The following CDC45 variants were observed in gnomAD, a reference collection of about 807,000 sequenced individuals.
CDC45 encodes the protein cell division control protein 45 homolog.
A neutral mutation model predicts 77.8 loss-of-function variants in CDC45; 54 were observed. The observed-to-expected ratio is 0.69, with a 90% CI of 0.56 to 0.87. CDC45 has a LOEUF of 0.87. CDC45 is among the 40% of genes least tolerant of loss of function. The pLI is 0.00. For synonymous variants in CDC45, 260 were observed against 272.1 expected (o/e 0.96, Z 0.44); for missense variants, 649 against 721.6 (o/e 0.90, Z 1.15).
At chr22:19,493,513 C>G (rs1601941770) in intron 5 of CDC45, among the ~76,000 whole-genome samples, 1 of 151,984 alleles carries the variant, frequency 6.6e-6, no homozygotes, top group African/African-American at 2.4e-5. Context: ...GGCACAATCT[C>G]GGCTCACTGC....
chr22:19,519,328 C>T (rs1262238503), intron 18 of CDC45, among the ~76,000 whole-genome samples: 1 of 152,202 alleles, frequency 6.6e-6, no homozygotes, highest in East Asian at 1.9e-4. Flanking sequence ...GTGTGCTTGG[C>T]TCATGAGAAA....
intron 5 of CDC45, among the ~76,000 whole-genome samples, chr22:19,486,722 G>A (rs1478062567): frequency 2.0e-5 from 3 of 151,994 alleles, no homozygotes; most frequent in Non-Finnish European, 4.4e-5. Flanking sequence ...TCGCTCTGTC[G>A]CCCAGGCTGG....
chr22:19,496,177 G>C (rs977193187), intron 7 of CDC45, 148 bp downstream of exon 7: 5 of 638,988 alleles, frequency 7.8e-6, no homozygotes, highest in Non-Finnish European at 1.4e-5. Flanking sequence ...CCTTGGGCAG[G>C]TGTTGCAAGC....
Position 19,482,680 on chromosome 22 carries a change from T to C in CDC45, c.205-10T>C. Reference sequence around the variant, plus strand: ...ATATAGCTACTTTACAATATCTTCCTTTTTTTCAGTTTCATTATTTTATTC... The same window carrying C: ...ATATAGCTACTTTACAATATCTTCCCTTTTTTCAGTTTCATTATTTTATTC... On this transcript the variant is annotated splice_polypyrimidine_tract_variant and intron_variant, in intron 3 of 18. Transcript: ENST00000263201. 1.9e-6 allele frequency: 3 copies of C among 1,609,644 alleles called. No homozygotes were observed. The highest frequency in any genetic ancestry group is 2.6e-6 in the Non-Finnish European group (3 of 1,176,458).
At chr22:19,518,781 C>A in intron 17 of CDC45, 63 bp from the exon 18 acceptor site, 1 of 1,362,696 alleles carries the variant, frequency 7.3e-7, no homozygotes, top group Non-Finnish European at 1.1e-6. Flanking sequence ...GAGGGGAGTT[C>A]TGTGCCCTGT....
intron 12 of CDC45, among the ~76,000 whole-genome samples, chr22:19,508,084 C>G (rs1393605207): frequency 6.6e-6 from 1 of 152,118 alleles, no homozygotes; most frequent in Non-Finnish European, 1.5e-5. Flanking sequence ...AAGACTTCTT[C>G]AAGCTTGTGA....
At position 19,482,743 on chromosome 22, in the gene CDC45, T is replaced by A; in HGVS notation, c.258T>A (p.Ile86=). The change falls in exon 4 of 19, where the codon ATT becomes ATA. Residue 86 remains isoleucine, a synonymous_variant. Coordinates refer to ENST00000263201, the MANE Select transcript of CDC45 (RefSeq NM_003504.5). ...NCGANVDLLD[I]LQPDEDTIFF... ...GAGCTAATGTAGACCTATTGGATAT[T>A]CTTCAACCTGATGAAGACACTATAT... 1 of 1,612,928 alleles carries A rather than the reference T, an allele frequency of 6.2e-7. No homozygotes were observed. The highest frequency in any genetic ancestry group is 8.5e-7 in the Non-Finnish European group (1 of 1,178,840).
intron 3 of CDC45, among the ~76,000 whole-genome samples, chr22:19,481,543 T>A (rs2089983280): frequency 6.6e-6 from 1 of 151,972 alleles, no homozygotes; most frequent in Non-Finnish European, 1.5e-5. Flanking sequence ...CACACCTGGC[T>A]AATGTTTTTG....
chr22:19,481,757 C>T (rs1374607650), intron 3 of CDC45, among the ~76,000 whole-genome samples: 1 of 151,834 alleles, frequency 6.6e-6, no homozygotes, highest in Non-Finnish European at 1.5e-5. Context: ...CTGCAACCTC[C>T]GCCTTCTGGG....
chr22:19,491,433 A>ATT (rs77377103), intron 5 of CDC45, among the ~76,000 whole-genome samples: 1 of 143,104 alleles, frequency 7.0e-6, no homozygotes, highest in Non-Finnish European at 1.5e-5. Context: ...GAATTTCTTG[A>ATT]TTTTTTTTTT....
At chr22:19,506,653 G>T (rs1003039857) in intron 10 of CDC45, among the ~76,000 whole-genome samples, 1 of 152,046 alleles carries the variant, frequency 6.6e-6, no homozygotes, top group Non-Finnish European at 1.5e-5. Context: ...GGGCTGAGGA[G>T]GTCGGGCGCT....
chr22:19,512,412 CT>C (rs1933567115), intron 13 of CDC45, among the ~76,000 whole-genome samples: 1 of 152,290 alleles, frequency 6.6e-6, no homozygotes. Flanking sequence ...TTCATGGTCT[CT>C]TTTTACCTGC....
At chr22:19,501,958 C>T (rs1211044242) in intron 9 of CDC45, among the ~76,000 whole-genome samples, 5 of 152,138 alleles carry the variant, frequency 3.3e-5, no homozygotes, top group Non-Finnish European at 7.4e-5. Context: ...CTCAAGCAAT[C>T]CTCCCTCCTC....
intron 7 of CDC45, among the ~76,000 whole-genome samples, chr22:19,497,118 A>G (rs1170080143): frequency 6.6e-6 from 1 of 152,208 alleles, no homozygotes; most frequent in African/African-American, 2.4e-5. Context: ...GCCCCTACCA[A>G]GTGAATTCTT....
At chr22:19,492,288 A>G (rs1391754618) in intron 5 of CDC45, among the ~76,000 whole-genome samples, 1 of 151,820 alleles carries the variant, frequency 6.6e-6, no homozygotes, top group Non-Finnish European at 1.5e-5. Context: ...CAGACTGGGT[A>G]ATTTCTGTCT....
chr22:19,487,527 C>G (rs1432165064), intron 5 of CDC45, among the ~76,000 whole-genome samples: 3 of 151,672 alleles, frequency 2.0e-5, no homozygotes, highest in African/African-American at 4.8e-5. Context: ...AGGACCTCAT[C>G]TCTTAAAAAG....
At chr22:19,508,866 C>T (rs532427128) in intron 13 of CDC45, among the ~76,000 whole-genome samples, 175 bp downstream of exon 13, 19 of 152,318 alleles carry the variant, frequency 1.2e-4, no homozygotes, top group Non-Finnish European at 2.2e-4. Flanking sequence ...TTACCTGCCC[C>T]TCTTCAGTAT....
intron 13 of CDC45, among the ~76,000 whole-genome samples, chr22:19,512,503 C>T (rs1933571526): frequency 6.6e-6 from 1 of 152,122 alleles, no homozygotes; most frequent in South Asian, 2.1e-4. Flanking sequence ...GTTTTGCAAT[C>T]TAGTTGCTCT....
At position 19,503,797 on chromosome 22, in the gene CDC45, C is replaced by A. The variant is rs115299446; in HGVS notation, c.705-1565C>A. Among the ~76,000 whole-genome samples the A allele has an allele frequency of 3.6e-3, 553 of 152,252 alleles. 4 individuals are homozygous for A. Among genetic ancestry groups the A allele is most frequent in the African/African-American group, 0.013 (531 of 41,540 alleles). On this transcript the variant is annotated intron_variant, in intron 9 of 18. Coordinates refer to ENST00000263201, the MANE Select transcript of CDC45 (RefSeq NM_003504.5). ...GAGGCCTCGAGACTTCAGAGGGAGC[C>A]ACAAAACCTTTGAAGAGGCCACAGG...
Sources: allele counts gnomAD v4.1 joint callset (sites outside exome capture counted in the v4.1 genomes callset), GRCh38; gene constraint gnomAD v4.1.1; transcripts MANE v1.5; gene names NCBI Gene and HGNC (gene_info 2026-07-23, HGNC 2026-07-21).